COL19A1: variants seen among roughly 807,000 people sequenced by gnomAD.
COL19A1 encodes collagen type XIX alpha 1 chain.
Under a neutral mutation model 190.2 loss-of-function variants are expected in COL19A1, and 159 were observed. That is an observed-to-expected ratio of 0.84 (90% confidence interval 0.73 to 0.95). COL19A1 has a LOEUF of 0.95. COL19A1 is among the 40% of genes least tolerant of loss of function. COL19A1 has a pLI of 0.00. For synonymous variants in COL19A1, 509 were observed against 458.9 expected, an observed-to-expected ratio of 1.11 and a Z score of -1.39; for missense variants, 1,418 against 1,431.9, an observed-to-expected ratio of 0.99 and a Z score of 0.16.
chr6:70,193,093 C>CA (rs777817300), intron 48 of COL19A1, among the ~76,000 whole-genome samples: 31 of 141,778 alleles, frequency 2.2e-4, no homozygotes, highest in Admixed American at 1.9e-3. Flanking sequence ...TATAACCAAG[C>CA]ATTTTCAGAA....
At chr6:70,031,983 A>G (rs1430693533) in intron 12 of COL19A1, among the ~76,000 whole-genome samples, 4 of 152,216 alleles carry the variant, frequency 2.6e-5, no homozygotes, top group South Asian at 2.1e-4. Context: ...ATTCCAGACT[A>G]TTGCAATAGG....
rs745906311 is a variant in COL19A1 at position 69,930,898 on chromosome 6, C to T, written c.666+1198C>T. On this transcript the variant is annotated intron_variant, in intron 6 of 50. Coordinates refer to ENST00000620364, the MANE Select transcript of COL19A1 (RefSeq NM_001858.6). ...TTATAAAAAGGATATAGGTAAAAAC[C>T]GTGGTATTACAGTGGTTTCATAATT... Among the ~76,000 whole-genome samples the T allele has an allele frequency of 4.6e-5, 7 of 152,080 alleles. No individual in the cohort carries two copies. The South Asian group carries it at 6.2e-4, about 14-fold the overall frequency.
chr6:69,966,601 A>T (rs1052922480), intron 11 of COL19A1, among the ~76,000 whole-genome samples: 4 of 152,018 alleles, frequency 2.6e-5, no homozygotes, highest in Non-Finnish European at 5.9e-5. Context: ...ACCACTCCCT[A>T]ATCTCAAGTA....
intron 48 of COL19A1, among the ~76,000 whole-genome samples, chr6:70,192,761 C>G (rs1020592434): frequency 6.6e-6 from 1 of 152,174 alleles, no homozygotes; most frequent in Non-Finnish European, 1.5e-5. Context: ...GTAAACTAAA[C>G]ATGGGGCCCT....
At chr6:70,136,283 T>G (rs1785866461) in intron 18 of COL19A1, among the ~76,000 whole-genome samples, 1 of 152,188 alleles carries the variant, frequency 6.6e-6, no homozygotes, top group Non-Finnish European at 1.5e-5. Flanking sequence ...TTTTGGTAGC[T>G]GTTTGAGGCT....
rs1785470734 is a variant in COL19A1, at chr6:70,130,732, A to C, written c.1383+509A>C. The stretch of plus-strand genomic sequence containing the variant: ...GGTCCAGCAAGGACTGCTGAGTAGC[A>C]GTTGGCTATAAGAAAGAGAACATAT... On this transcript the variant is annotated intron_variant, in intron 18 of 50. Transcript: ENST00000620364. 3.9e-5 allele frequency among the ~76,000 whole-genome samples: 6 copies of C among 152,266 alleles called. No individual in the cohort carries two copies. In the South Asian group the frequency reaches 1.2e-3, roughly 32 times the overall value.
At chr6:69,915,922 C>T (rs1354226452) in intron 4 of COL19A1, among the ~76,000 whole-genome samples, 1 of 146,608 alleles carries the variant, frequency 6.8e-6, no homozygotes, top group East Asian at 2.1e-4. Flanking sequence ...CTGAAAATTA[C>T]ACTCATCTCA....
intron 15 of COL19A1, among the ~76,000 whole-genome samples, chr6:70,075,601 A>G (rs9454961): frequency 0.015 from 2,213 of 152,308 alleles, 41 homozygotes; most frequent in South Asian, 0.048. Context: ...AATCAGATGA[A>G]CAAGAGATGT....
intron 17 of COL19A1, among the ~76,000 whole-genome samples, chr6:70,129,524 C>T (rs1785396045): frequency 6.6e-6 from 1 of 152,186 alleles, no homozygotes; most frequent in Non-Finnish European, 1.5e-5. Context: ...TGTGCATGCA[C>T]ATGGGTTGGT....
chr6:70,206,641 A>AG (rs1197971042), intron 49 of COL19A1, among the ~76,000 whole-genome samples: 4 of 151,726 alleles, frequency 2.6e-5, no homozygotes, highest in Non-Finnish European at 5.9e-5. Context: ...TCTCAAAAAA[A>AG]AAAAAAAAAA....
Position 70,171,949 on chromosome 6 carries a change from G to A in COL19A1, c.2569-15G>A. The stretch of plus-strand genomic sequence containing the variant: ...TGATTATTGCTCCTGCATTTCTTAT[G>A]TTCATATTTAACAGGGAGAGCCTGG... On this transcript the variant is annotated splice_polypyrimidine_tract_variant and intron_variant, in intron 40 of 50. Coordinates refer to ENST00000620364, the MANE Select transcript of COL19A1 (RefSeq NM_001858.6). The A allele has an allele frequency of 6.2e-7, 1 of 1,612,014 alleles. No individual in the cohort carries two copies. The highest frequency in any genetic ancestry group is 8.5e-7 in the Non-Finnish European group (1 of 1,178,884).
Position 70,051,567 on chromosome 6 carries a change from A to C in COL19A1, c.1170+15628A>C, listed in dbSNP as rs897424844. On this transcript the variant is annotated intron_variant, in intron 14 of 50. Coordinates refer to ENST00000620364, the MANE Select transcript of COL19A1 (RefSeq NM_001858.6). Reference sequence around the variant, plus strand: ...ATTGCAGGCAAACTTGCCCTTTGCCAAAAGGGAGACTTTATCTTTAACATT... The same window carrying C: ...ATTGCAGGCAAACTTGCCCTTTGCCCAAAGGGAGACTTTATCTTTAACATT... Among the ~76,000 whole-genome samples, 9 of 152,280 alleles carry C rather than the reference A, an allele frequency of 5.9e-5. 1 individual carries two copies. The South Asian group carries it at 1.7e-3, about 28-fold the overall frequency.
intron 42 of COL19A1, among the ~76,000 whole-genome samples, chr6:70,179,894 A>T (rs892856702): frequency 6.6e-6 from 1 of 151,884 alleles, no homozygotes; most frequent in African/African-American, 2.4e-5. Flanking sequence ...TTATTTATTT[A>T]TTTATTGAGA....
chr6:69,947,058 G>A (rs73746827), intron 9 of COL19A1, among the ~76,000 whole-genome samples: 1,539 of 151,874 alleles, frequency 0.01, 33 homozygotes, highest in African/African-American at 0.035. Context: ...TTACTCTCTG[G>A]CCCTTTGTTG....
chr6:69,994,870 T>A (rs1188628529), intron 11 of COL19A1, among the ~76,000 whole-genome samples: 2 of 152,142 alleles, frequency 1.3e-5, no homozygotes, highest in African/African-American at 4.8e-5. Context: ...TTTTCAGAAA[T>A]GAGCCTATGT....
intron 2 of COL19A1, among the ~76,000 whole-genome samples, chr6:69,884,163 T>A (rs781395778): frequency 1.8e-4 from 27 of 151,920 alleles, no homozygotes; most frequent in Admixed American, 3.9e-4. Context: ...GGTGAAATCC[T>A]GTGTCTACTA....
chr6:69,867,292 C>T (rs1393255002), intron 1 of COL19A1: 2 of 152,588 alleles, frequency 1.3e-5, no homozygotes, highest in Admixed American at 6.5e-5. Context: ...AGCCCCACCA[C>T]GTTCCGGAGC....
chr6:70,182,745 A>G (rs768890375), intron 44 of COL19A1, among the ~76,000 whole-genome samples: 41 of 152,246 alleles, frequency 2.7e-4, no homozygotes, highest in Admixed American at 4.6e-4. Flanking sequence ...TCAGAAACGT[A>G]GAGGTCATTG....
chr6:69,879,637 G>C lies in COL19A1; in HGVS notation c.70G>C (p.Val24Leu). The C allele has an allele frequency of 6.2e-7, 1 of 1,613,918 alleles. No individual in the cohort carries two copies. The highest frequency in any genetic ancestry group is 8.5e-7 in the Non-Finnish European group (1 of 1,179,988). ...ATTTCTGCTTCCTGCTTCCACTTCC[G>C]TGACCGTTAGGGACAAGACAGGTAT... ...SIFLLPASTS[V>L]TVRDKTEESC... is the part of the protein sequence containing the mutation. Residue 24 changes from valine to leucine, a missense_variant, in exon 2 of 51, where the codon GTG becomes CTG. Transcript: ENST00000620364.
Sources: gnomAD v4.1 joint callset for allele counts (sites outside exome capture counted in the v4.1 genomes callset) on GRCh38, gnomAD v4.1.1 for gene constraint, MANE v1.5 for transcripts, NCBI Gene and HGNC (gene_info 2026-07-23, HGNC 2026-07-21) for gene names.